DDX11: variants seen among roughly 807,000 people sequenced by gnomAD.
The protein encoded by DDX11 is DEAD/H-box helicase 11.
In DDX11, 72 loss-of-function variants were observed where a neutral mutation model predicts 125.2. The ratio of observed to expected loss-of-function variants is 0.58; its 90% CI spans 0.48 to 0.70. The LOEUF (loss-of-function observed/expected upper bound fraction) is 0.70. DDX11 is among the 30% of genes least tolerant of loss of function. The probability of loss-of-function intolerance (pLI) is 0.00; values close to 1 mark genes in which losing one functional copy is unlikely to be tolerated. For synonymous variants in DDX11, 347 were observed against 452.6 expected, an observed-to-expected ratio of 0.77 and a Z score of 2.96; for missense variants, 883 against 1,165.0, an observed-to-expected ratio of 0.76 and a Z score of 3.52.
chr12:31,095,475 G>A (rs71455620), intron 14 of DDX11, among the ~76,000 whole-genome samples: 2 of 152,264 alleles, frequency 1.3e-5, no homozygotes, highest in East Asian at 3.9e-4. Context: ...CAGAGACAGC[G>A]TCCAAACCTG....
Position 31,085,061 on chromosome 12 carries a change from G to A in DDX11, c.573G>A (p.Glu191=). The A allele has an allele frequency of 1.2e-6, 2 of 1,606,254 alleles. No individual in the cohort carries two copies. The highest frequency in any genetic ancestry group is 2.2e-5 in the South Asian group (2 of 89,754). ...GPEAERLEQL[E]SGEEELVLAE... is the part of the protein sequence containing the mutation. ...AGGCTGAGCGGCTGGAGCAGCTGGA[G>A]TCTGGGGAGGAGGAGCTGGTCCTCG... Residue 191 remains glutamate, a synonymous_variant, in exon 5 of 27, where the codon GAG becomes GAA. Coordinates refer to ENST00000542838, the MANE Select transcript of DDX11 (RefSeq NM_030653.4).
chr12:31,081,302 A>G (rs570232041), intron 2 of DDX11, among the ~76,000 whole-genome samples: 1 of 152,348 alleles, frequency 6.6e-6, no homozygotes, highest in South Asian at 2.1e-4. Context: ...CCCGCAGCCC[A>G]TAGAAGCAGC....
intron 14 of DDX11, among the ~76,000 whole-genome samples, chr12:31,095,444 A>T (rs934224981): frequency 2.6e-5 from 4 of 152,224 alleles, no homozygotes; most frequent in African/African-American, 9.6e-5. Context: ...GGCTTCCCAC[A>T]AGTGAGCCAA....
In DDX11 at chr12:31,085,530, C is replaced by T. The variant is rs182778752; in HGVS notation, c.638+404C>T. Among the ~76,000 whole-genome samples the T allele has an allele frequency of 3.3e-3, 507 of 152,324 alleles. 1 individual carries two copies. The highest frequency in any genetic ancestry group is 0.011 in the African/African-American group (476 of 41,562). On this transcript the variant is annotated intron_variant, in intron 5 of 26. Transcript: ENST00000542838. ...ACTGCACTGGGTAACCTGTGAGGTG[C>T]CAACCATCAAGGCGTCCTTAGCCTG...
In DDX11 at chr12:31,078,416, T is replaced by C; in HGVS notation, c.23T>C (p.Val8Ala). Reference sequence around the variant, plus strand: ...TCCATGGCTAATGAAACACAGAAGGTTGGTGCCATCCATTTTCCTTTTCCC... The same window carrying C: ...TCCATGGCTAATGAAACACAGAAGGCTGGTGCCATCCATTTTCCTTTTCCC... MANETQK[V>A]GAIHFPFPFT... The change falls in exon 2 of 27, where the codon GTT (valine) becomes GCT (alanine). Residue 8 changes from valine to alanine, a missense_variant. Val to Ala is a moderately conservative substitution (Grantham distance 64). This residue lies in a region of DDX11 where 283 missense variants were observed against 359.6 expected (regional missense o/e 0.79). Coordinates refer to ENST00000542838, the MANE Select transcript of DDX11 (RefSeq NM_030653.4). The C allele has an allele frequency of 6.2e-7, 1 of 1,610,184 alleles. No individual in the cohort carries two copies. Among genetic ancestry groups the C allele is most frequent in the Non-Finnish European group, 8.5e-7 (1 of 1,178,058 alleles).
At chr12:31,097,713 T>C (rs142749578) in intron 17 of DDX11, among the ~76,000 whole-genome samples, 172 bp from the exon 18 acceptor site, 3 of 146,266 alleles carry the variant, frequency 2.1e-5, no homozygotes, top group Admixed American at 6.8e-5. Flanking sequence ...GAGAGGACAG[T>C]GTGGTCCACC....
chr12:31,099,843 C>G (rs1233091336), intron 18 of DDX11, among the ~76,000 whole-genome samples: 1 of 151,968 alleles, frequency 6.6e-6, no homozygotes, highest in Non-Finnish European at 1.5e-5. Flanking sequence ...CCAGCCCATT[C>G]CCCACCCCCA....
intron 5 of DDX11, among the ~76,000 whole-genome samples, chr12:31,086,646 G>C (rs1943217467): frequency 6.6e-6 from 1 of 152,188 alleles, no homozygotes; most frequent in African/African-American, 2.4e-5. Context: ...CTTGAGTGGA[G>C]ATGGAGGTGG....
intron 12 of DDX11, chr12:31,094,341 G>A (rs528613687): frequency 1.9e-6 from 1 of 514,598 alleles, no homozygotes; most frequent in Admixed American, 3.3e-5. Flanking sequence ...CTGGAGAAGG[G>A]GTGAAAAACA....
At chr12:31,100,916 C>CT in intron 19 of DDX11, 111 bp from the exon 20 acceptor site, 3 of 1,154,108 alleles carry the variant, frequency 2.6e-6, no homozygotes, top group South Asian at 2.5e-5. Flanking sequence ...CGGGTGAGCG[C>CT]TGTCAGTCGC....
rs551840890 is a variant in DDX11, at chr12:31,084,499, G to A, written c.394-84G>A. On this transcript the variant is annotated intron_variant, in intron 3 of 26. Transcript: ENST00000542838. ...GGAGAGATGCCCCCAGTGAGGAGGC[G>A]CCGGGCTGAGTGGCCCAGACTCCTT... 759 of 1,231,770 alleles carry A rather than the reference G, an allele frequency of 6.2e-4. 1 individual carries two copies. Among genetic ancestry groups the A allele is most frequent in the Non-Finnish European group, 8.1e-4 (695 of 854,768 alleles). The allele number at this position is 1,231,770 out of a possible 1,614,324, so 76.3% of individuals were successfully genotyped here.
rs1300527984 is a variant in DDX11 at position 31,089,502 on chromosome 12, G to A, written c.880+12G>A. On this transcript the variant is annotated intron_variant, in intron 8 of 26. Coordinates refer to ENST00000542838, the MANE Select transcript of DDX11 (RefSeq NM_030653.4). ...GAGAAGCAGGCACGGTAGCCACTGG[G>A]ACCATGGTGTAGCCGCAGGTGGTCT... 6.2e-7 allele frequency: 1 copy of A among 1,611,208 alleles called. No individual in the cohort carries two copies. The highest frequency in any genetic ancestry group is 1.3e-5 in the African/African-American group (1 of 74,826).
At chr12:31,075,182 T>TA (rs1376571325) in intron 1 of DDX11, among the ~76,000 whole-genome samples, 1 of 152,072 alleles carries the variant, frequency 6.6e-6, no homozygotes, top group East Asian at 1.9e-4. Context: ...CAAATGTTTT[T>TA]AATAGGGCTT....
At chr12:31,084,182 T>A in intron 3 of DDX11, 121 bp downstream of exon 3, 2 of 1,367,978 alleles carry the variant, frequency 1.5e-6, no homozygotes, top group Non-Finnish European at 2.1e-6. Flanking sequence ...GCCTCTCAGC[T>A]CTTCCCTCAG....
chr12:31,103,639 C>G lies in DDX11; in HGVS notation c.2599C>G (p.Arg867Gly), dbSNP rs776426696. 2.5e-6 allele frequency: 4 copies of G among 1,614,062 alleles called. No homozygotes were observed. The South Asian group carries it at 3.3e-5, about 13-fold the overall frequency. The change falls in exon 26 of 27, where the codon CGG becomes GGG. Residue 867 changes from arginine (R) to glycine (G), a missense_variant. Physicochemically the swap from Arg to Gly is moderately radical, Grantham distance 125. Transcript: ENST00000542838. ...SVVLLDQRYA[R>G]PPVLAKLPAW... The stretch of plus-strand genomic sequence containing the variant: ...AGTGCTCCTGGACCAGCGATATGCC[C>G]GGCCCCCTGTCCTGGCCAAGCTGCC...
rs539336934 is a variant in DDX11 at position 31,091,437 on chromosome 12, G to A, written c.1090-282G>A. 3,536 of 406,240 alleles carry A rather than the reference G, an allele frequency of 8.7e-3. 22 individuals carry two copies. The highest frequency in any genetic ancestry group is 0.016 in the Middle Eastern group (23 of 1,400). The allele number at this position is 406,240 out of a possible 1,614,324, so 25.2% of individuals were successfully genotyped here. ...GTGGAAACTCGGGGGCCTCCGGGGC[G>A]ACCTTGAGGACATGGACAAGGCTAA... On this transcript the variant is annotated intron_variant, in intron 9 of 26. Coordinates refer to ENST00000542838, the MANE Select transcript of DDX11 (RefSeq NM_030653.4).
At chr12:31,091,688 C>T (rs1944252035) in intron 9 of DDX11, 31 bp from the exon 10 acceptor site, 2 of 1,585,276 alleles carry the variant, frequency 1.3e-6, no homozygotes, top group Non-Finnish European at 8.6e-7. Flanking sequence ...GGAGCCCCGC[C>T]CTGCTCAGGT....
intron 23 of DDX11, 178 bp from the exon 24 acceptor site, chr12:31,102,758 C>T (rs1353780549): frequency 3.1e-5 from 23 of 736,668 alleles, no homozygotes; most frequent in Middle Eastern, 3.7e-4. Context: ...TTGGCCTAGA[C>T]GGGATCTCTC....
intron 17 of DDX11, 130 bp downstream of exon 17, chr12:31,097,120 G>A (rs1458753508): frequency 2.7e-5 from 33 of 1,223,998 alleles, no homozygotes; most frequent in Non-Finnish European, 3.5e-6. Flanking sequence ...CAGTGCAGTG[G>A]GCACTGGCCT....
Sources: allele counts gnomAD v4.1 joint callset (sites outside exome capture counted in the v4.1 genomes callset), GRCh38; gene constraint gnomAD v4.1.1; regional missense constraint gnomAD v4.1.1; transcripts MANE v1.5; gene names NCBI Gene and HGNC (gene_info 2026-07-23, HGNC 2026-07-21).